Variants in PDE10A observed in about 807,000 individuals in gnomAD.
PDE10A encodes the protein phosphodiesterase 10A, also known as cAMP and cAMP-inhibited cGMP 3',5'-cyclic phosphodiesterase 10A.
A neutral mutation model predicts 97.7 loss-of-function variants in PDE10A; 39 were observed. The ratio of observed to expected loss-of-function variants is 0.40; its 90% CI spans 0.31 to 0.52. The LOEUF (loss-of-function observed/expected upper bound fraction) is 0.52. Ranked by LOEUF, PDE10A falls within the 20% of genes least tolerant of loss-of-function variation. The pLI, the probability that PDE10A is intolerant of heterozygous loss-of-function variation, is 0.56. For synonymous variants in PDE10A, 371 were observed against 376.8 expected, an observed-to-expected ratio of 0.98 and a Z score of 0.18; for missense variants, 731 against 1,047.8, an observed-to-expected ratio of 0.70 and a Z score of 4.17.
chr6:165,844,508 G>T (rs986825824), intron 1 of PDE10A, among the ~76,000 whole-genome samples: 1 of 152,174 alleles, frequency 6.6e-6, no homozygotes, highest in East Asian at 1.9e-4. Flanking sequence ...TGAACAGGCA[G>T]TACTTAACAC....
intron 1 of PDE10A, among the ~76,000 whole-genome samples, chr6:165,585,664 C>A (rs1785866333): frequency 6.6e-6 from 1 of 152,070 alleles, no homozygotes; most frequent in South Asian, 2.1e-4. Flanking sequence ...TGCAGCCCTG[C>A]CAATACCCTG....
chr6:165,542,294 T>C (rs1022144601), intron 2 of PDE10A, among the ~76,000 whole-genome samples: 7 of 152,194 alleles, frequency 4.6e-5, no homozygotes, highest in Non-Finnish European at 1.0e-4. Flanking sequence ...ATAAAAATTA[T>C]GCAATATTCA....
intron 2 of PDE10A, among the ~76,000 whole-genome samples, chr6:165,500,318 A>T (rs1780793606): frequency 2.0e-5 from 3 of 152,210 alleles, no homozygotes; most frequent in Non-Finnish European, 2.9e-5. Flanking sequence ...TACTGTGTCT[A>T]CGCAGAAAGA....
chr6:165,444,691 T>C (rs1790713230), intron 5 of PDE10A, among the ~76,000 whole-genome samples: 1 of 152,070 alleles, frequency 6.6e-6, no homozygotes, highest in Non-Finnish European at 1.5e-5. Context: ...TTTGTTTTTA[T>C]CTTCTGCTAA....
intron 1 of PDE10A, among the ~76,000 whole-genome samples, chr6:165,983,830 A>G (rs1583397001): frequency 6.6e-6 from 1 of 152,360 alleles, no homozygotes. Context: ...GCAGTTTCTT[A>G]ATCATGGGTA....
At chr6:165,874,085 A>C (rs750902719) in intron 1 of PDE10A, among the ~76,000 whole-genome samples, 1 of 152,254 alleles carries the variant, frequency 6.6e-6, no homozygotes, top group Non-Finnish European at 1.5e-5. Flanking sequence ...GTAAGGGCAA[A>C]GCAGTCAGGA....
At chr6:165,691,099 T>TCTCCCTC (rs34189554) in intron 1 of PDE10A, among the ~76,000 whole-genome samples, 1 of 53,268 alleles carries the variant, frequency 1.9e-5, no homozygotes, top group African/African-American at 1.2e-4. Flanking sequence ...CTCTCTCTCT[T>TCTCCCTC]TCTCTCTCCC....
At position 165,379,199 on chromosome 6, in the gene PDE10A, T is replaced by A. The variant is rs780869011; in HGVS notation, c.2778A>T (p.Ser926=). ...CTTTTAAAAATTATTTTTACCTATG[T>A]GATTGATTATTAAGGTTTAGTGATC... ...QTGSLNLNNQ[S]HRDRVIGLMM... The change falls in exon 18 of 22, where the codon TCA becomes TCT. Residue 926 remains serine, a synonymous_variant. Transcript: ENST00000539869. The A allele has an allele frequency of 6.3e-7, 1 of 1,599,250 alleles. No homozygotes were observed. The highest frequency in any genetic ancestry group is 1.8e-5 in the Admixed American group (1 of 56,960).
Position 165,470,046 on chromosome 6 carries a change from T to G in PDE10A, c.1023+12269A>C, listed in dbSNP as rs138893766. The stretch of plus-strand genomic sequence containing the variant: ...GAGGGCATTGGTGTTTAGTCCATGT[T>G]TGCTGCTACAAAGGAATACCTGAGG... On this transcript the variant is annotated intron_variant, in intron 3 of 21. Transcript: ENST00000539869. Among the ~76,000 whole-genome samples, 22 of 152,282 alleles carry G rather than the reference T, an allele frequency of 1.4e-4. No homozygotes were observed. The East Asian group carries it at 4.1e-3, about 28-fold the overall frequency.
intron 3 of PDE10A, among the ~76,000 whole-genome samples, chr6:165,471,519 T>C (rs1779005227): frequency 6.6e-6 from 1 of 152,152 alleles, no homozygotes; most frequent in Non-Finnish European, 1.5e-5. Flanking sequence ...ATCTCCAACT[T>C]AGCACATCCA....
At chr6:165,387,080 C>T (rs2128212057) in intron 17 of PDE10A, among the ~76,000 whole-genome samples, 1 of 152,138 alleles carries the variant, frequency 6.6e-6, no homozygotes, top group African/African-American at 2.4e-5. Flanking sequence ...AAACATATGT[C>T]ATTTAAAAAG....
chr6:165,504,256 G>C (rs1375412555), intron 2 of PDE10A, among the ~76,000 whole-genome samples: 1 of 152,082 alleles, frequency 6.6e-6, no homozygotes, highest in East Asian at 1.9e-4. Context: ...TGTGGTTAAA[G>C]TGAAATAAAT....
At chr6:165,413,708 A>C (rs1562442126) in intron 12 of PDE10A, 21 bp from the exon 13 acceptor site, 1 of 1,576,778 alleles carries the variant, frequency 6.3e-7, no homozygotes, top group Non-Finnish European at 8.7e-7. Flanking sequence ...ACAGAACCAA[A>C]AATAACAACA....
At chr6:165,446,076 T>C (rs1434584660) in intron 5 of PDE10A, among the ~76,000 whole-genome samples, 1 of 152,190 alleles carries the variant, frequency 6.6e-6, no homozygotes, top group African/African-American at 2.4e-5. Context: ...TTTGAAAATA[T>C]GTACAGGAAA....
At chr6:165,522,879 C>A (rs1782212636) in intron 2 of PDE10A, among the ~76,000 whole-genome samples, 1 of 152,006 alleles carries the variant, frequency 6.6e-6, no homozygotes, top group Non-Finnish European at 1.5e-5. Flanking sequence ...AAACCCTAAA[C>A]AATCTACCAA....
At chr6:165,356,346 A>G (rs536402233) in intron 18 of PDE10A, among the ~76,000 whole-genome samples, 1 of 152,280 alleles carries the variant, frequency 6.6e-6, no homozygotes, top group South Asian at 2.1e-4. Context: ...AGATGTTGAG[A>G]AAATTCCATG....
chr6:165,449,690 A>G (rs924189542), intron 4 of PDE10A, among the ~76,000 whole-genome samples: 6 of 152,220 alleles, frequency 3.9e-5, no homozygotes, highest in African/African-American at 1.4e-4. Flanking sequence ...AATACAAAAT[A>G]AATGTTATTA....
intron 2 of PDE10A, among the ~76,000 whole-genome samples, chr6:165,494,461 G>T (rs80025610): frequency 2.7e-5 from 4 of 148,616 alleles, no homozygotes; most frequent in Non-Finnish European, 4.5e-5. Context: ...AATGTGGGGG[G>T]GGGTGTGTGT....
At chr6:165,793,510 C>A (rs967009980) in intron 1 of PDE10A, among the ~76,000 whole-genome samples, 1 of 152,106 alleles carries the variant, frequency 6.6e-6, no homozygotes, top group African/African-American at 2.4e-5. Flanking sequence ...CAACTGCACA[C>A]CTGACAGTGC....
Sources: allele counts gnomAD v4.1 joint callset (sites outside exome capture counted in the v4.1 genomes callset), GRCh38; gene constraint gnomAD v4.1.1; transcripts MANE v1.5; gene names NCBI Gene and HGNC (gene_info 2026-07-23, HGNC 2026-07-21).